HSPA12A: variants seen among roughly 807,000 people sequenced by gnomAD.
HSPA12A encodes the protein heat shock protein family A (Hsp70) member 12A.
Under a neutral mutation model 69.2 loss-of-function variants are expected in HSPA12A, and 28 were observed. The observed-to-expected ratio is 0.40, with a 90% CI of 0.30 to 0.55. HSPA12A has a LOEUF of 0.55. Ranked by LOEUF, HSPA12A falls within the 20% of genes least tolerant of loss-of-function variation. The probability of loss-of-function intolerance (pLI) is 0.38; values close to 1 mark genes in which losing one functional copy is unlikely to be tolerated. For synonymous variants in HSPA12A, 345 were observed against 370.5 expected, an observed-to-expected ratio of 0.93 and a Z score of 0.79; for missense variants, 686 against 900.7, an observed-to-expected ratio of 0.76 and a Z score of 3.05.
chr10:116,831,793 T>A (rs1233567474), intron 2 of HSPA12A: 3 of 152,214 alleles, frequency 2.0e-5, no homozygotes. Flanking sequence ...AGGTTTTCTT[T>A]ACCACTAATC....
Position 116,675,233 on chromosome 10 carries a change from CGG to C in HSPA12A, c.1574_1575del (p.Pro525ArgfsTer28). 1 of 1,613,686 alleles carries C rather than the reference CGG, an allele frequency of 6.2e-7. No individual in the cohort carries two copies. Among genetic ancestry groups the C allele is most frequent in the Non-Finnish European group, 8.5e-7 (1 of 1,180,008 alleles). ...GGCGACCGGCGCACCTTGATGACCG[CGG>C]GGTCCAGGCCAAAGAGGACGGCACC... ...LKGAVLFGLDPAVIKVRRSPL... is the reference protein window; with the variant it reads ...LKGAVLFGLDXAVIKVRRSPL... On this transcript the variant is annotated frameshift_variant, in exon 12 of 12. Coordinates refer to ENST00000369209, the MANE Select transcript of HSPA12A (RefSeq NM_025015.3). LOFTEE classifies it high-confidence loss of function. This position sits in a 1 kb window ranked among gnomAD's most constrained non-coding sequence, Gnocchi z 5.2.
chr10:116,796,905 C>A (rs1199053094), intron 2 of HSPA12A, among the ~76,000 whole-genome samples: 2 of 152,212 alleles, frequency 1.3e-5, no homozygotes, highest in Non-Finnish European at 2.9e-5. Flanking sequence ...CTCACTATAT[C>A]ATTTTTCCGC....
At chr10:116,825,630 T>C (rs776489321) in intron 2 of HSPA12A, among the ~76,000 whole-genome samples, 15 of 152,178 alleles carry the variant, frequency 9.9e-5, no homozygotes, top group Non-Finnish European at 2.1e-4. Context: ...ATTCCATTTA[T>C]AAAAAATGCC....
At chr10:116,700,260 G>A (rs557744507) in intron 4 of HSPA12A, among the ~76,000 whole-genome samples, 130 of 152,300 alleles carry the variant, frequency 8.5e-4, no homozygotes, top group Admixed American at 1.6e-3. Flanking sequence ...TGACAGTTAA[G>A]GAAACTTTAT....
In HSPA12A at chr10:116,672,502, AC is replaced by A. The variant is rs1204182912; in HGVS notation, c.*2278del. The stretch of plus-strand genomic sequence containing the variant: ...CGTTCAGTGTGTTTGGACCCTAGGC[AC>A]CTCTGTCTATTGCTCGGTCTTGCGT... On this transcript the variant is annotated 3_prime_UTR_variant, in exon 12 of 12. Transcript: ENST00000369209. 6.6e-6 allele frequency: 1 copy of A among 152,166 alleles called. No homozygotes were observed. Among genetic ancestry groups the A allele is most frequent in the Non-Finnish European group, 1.5e-5 (1 of 68,030 alleles). The allele number at this position is 152,166 out of a possible 1,614,324, so 9.4% of individuals were successfully genotyped here.
chr10:116,726,447 C>T (rs913193660), intron 1 of HSPA12A, among the ~76,000 whole-genome samples: 4 of 152,060 alleles, frequency 2.6e-5, no homozygotes, highest in South Asian at 2.1e-4. Flanking sequence ...CAGCCTCCCC[C>T]GAGACAGGCC....
intron 1 of HSPA12A, among the ~76,000 whole-genome samples, chr10:116,727,552 G>C (rs376461364): frequency 1.3e-5 from 2 of 152,102 alleles, no homozygotes; most frequent in East Asian, 3.8e-4. Context: ...CCCCAACTGA[G>C]GATGATTTGA....
intron 5 of HSPA12A, among the ~76,000 whole-genome samples, chr10:116,693,797 T>C (rs374599749): frequency 4.6e-5 from 7 of 152,236 alleles, no homozygotes; most frequent in East Asian, 1.9e-4. Flanking sequence ...AAATGTTTCA[T>C]GGTAAAAATG....
chr10:116,843,371 C>T (rs895530207), intron 1 of HSPA12A, among the ~76,000 whole-genome samples: 8 of 152,218 alleles, frequency 5.3e-5, no homozygotes, highest in Non-Finnish European at 1.0e-4. Context: ...ACAAATACTG[C>T]AAAACTGCTA....
rs529574825 is a variant in HSPA12A at position 116,676,848 on chromosome 10, G to A, written c.1287-346C>T. Among the ~76,000 whole-genome samples the A allele has an allele frequency of 3.3e-5, 5 of 152,320 alleles. No homozygotes were observed. In the South Asian group the frequency reaches 1.0e-3, roughly 32 times the overall value. The stretch of plus-strand genomic sequence containing the variant: ...CCCAACAATATTTGGATTCAAGCAC[G>A]TTAAAAGCTCCCTGGCGAGTTTATT... On this transcript the variant is annotated intron_variant, in intron 10 of 11. Coordinates refer to ENST00000369209, the MANE Select transcript of HSPA12A (RefSeq NM_025015.3).
chr10:116,793,705 C>T (rs866776011), intron 2 of HSPA12A, among the ~76,000 whole-genome samples: 1 of 151,710 alleles, frequency 6.6e-6, no homozygotes, highest in South Asian at 2.1e-4. Context: ...AAGGTAAAAG[C>T]GTTACATTCA....
chr10:116,792,801 A>G (rs1474543455), intron 2 of HSPA12A, among the ~76,000 whole-genome samples: 1 of 151,846 alleles, frequency 6.6e-6, no homozygotes, highest in Non-Finnish European at 1.5e-5. Context: ...AAAAAAGAAA[A>G]GAAAAGAAAG....
upstream of HSPA12A, among the ~76,000 whole-genome samples, chr10:116,746,493 G>C (rs1188921926): frequency 2.0e-5 from 3 of 152,200 alleles, no homozygotes; most frequent in Non-Finnish European, 4.4e-5. Context: ...AGAGAGCATG[G>C]GGTCAGCTGG....
chr10:116,790,612 T>C (rs1359772231), intron 2 of HSPA12A, among the ~76,000 whole-genome samples: 1 of 152,122 alleles, frequency 6.6e-6, no homozygotes, highest in Non-Finnish European at 1.5e-5. Context: ...AAATATTTCC[T>C]CCTTAGAGAA....
At chr10:116,687,460 A>T (rs1554879669) in intron 6 of HSPA12A, among the ~76,000 whole-genome samples, 1 of 152,186 alleles carries the variant, frequency 6.6e-6, no homozygotes, top group African/African-American at 2.4e-5. Flanking sequence ...GCCACAGTAG[A>T]GAGCTGAGGA....
At chr10:116,798,476 C>A (rs1844882591) in intron 2 of HSPA12A, among the ~76,000 whole-genome samples, 1 of 152,146 alleles carries the variant, frequency 6.6e-6, no homozygotes, top group Non-Finnish European at 1.5e-5. Flanking sequence ...TAGCAATGTT[C>A]AAGTGAGTTT....
chr10:116,759,789 G>C (rs1843930657), intron 2 of HSPA12A, among the ~76,000 whole-genome samples: 1 of 152,068 alleles, frequency 6.6e-6, no homozygotes, highest in African/African-American at 2.4e-5. Context: ...TTGTGGGAGG[G>C]ACCTGGTGGG....
intron 2 of HSPA12A, chr10:116,751,205 A>T (rs1160495161): frequency 2.5e-5 from 6 of 240,250 alleles, no homozygotes; most frequent in African/African-American, 1.4e-4. Context: ...CAGAAGAAAG[A>T]TCAGGTAGCT....
At chr10:116,803,453 G>A (rs531405674) in intron 2 of HSPA12A, among the ~76,000 whole-genome samples, 2 of 152,312 alleles carry the variant, frequency 1.3e-5, no homozygotes, top group South Asian at 4.1e-4. Context: ...TAACCCCGCA[G>A]GCACCCCCTG....
Sources: allele counts gnomAD v4.1 joint callset (sites outside exome capture counted in the v4.1 genomes callset), GRCh38; gene constraint gnomAD v4.1.1; non-coding constraint Gnocchi (gnomAD v3.1); transcripts MANE v1.5; gene names NCBI Gene and HGNC (gene_info 2026-07-23, HGNC 2026-07-21).